Variants in COL24A1 observed in about 807,000 individuals in gnomAD.
COL24A1 encodes collagen type XXIV alpha 1 chain.
A neutral mutation model predicts 253.9 loss-of-function variants in COL24A1; 224 were observed. That is an observed-to-expected ratio of 0.88 (90% CI 0.79 to 0.99). COL24A1 has a LOEUF of 0.99. Ranked by LOEUF, COL24A1 falls within the 50% of genes least tolerant of loss-of-function variation. The pLI is 0.00. For missense variants in COL24A1, 2,131 were observed against 2,068.5 expected, an observed-to-expected ratio of 1.03 and a Z score of -0.59; for synonymous variants, 685 against 673.7, an observed-to-expected ratio of 1.02 and a Z score of -0.26.
At chr1:85,759,117 T>A (rs1666576724) in intron 55 of COL24A1, among the ~76,000 whole-genome samples, 1 of 152,178 alleles carries the variant, frequency 6.6e-6, no homozygotes, top group Admixed American at 6.5e-5. Flanking sequence ...TAATAATTAC[T>A]GAGAGGACCT....
At chr1:86,135,540 T>A (rs542435475) in intron 2 of COL24A1, among the ~76,000 whole-genome samples, 2 of 152,126 alleles carry the variant, frequency 1.3e-5, no homozygotes, top group Admixed American at 6.6e-5. Context: ...AAATTCATTT[T>A]TGTTTGTTTG....
chr1:86,051,752 G>A (rs1373357605), intron 10 of COL24A1, among the ~76,000 whole-genome samples: 1 of 151,972 alleles, frequency 6.6e-6, no homozygotes, highest in Admixed American at 6.6e-5. Context: ...CTGTCTATAA[G>A]AATCAAGAGA....
chr1:85,760,575 T>TA (rs1666753020), intron 55 of COL24A1, among the ~76,000 whole-genome samples: 1 of 152,072 alleles, frequency 6.6e-6, no homozygotes, highest in African/African-American at 2.4e-5. Context: ...AACCACCACC[T>TA]AGAACTAGCA....
At chr1:85,830,438 G>T (rs995757115) in intron 43 of COL24A1, among the ~76,000 whole-genome samples, 2 of 152,122 alleles carry the variant, frequency 1.3e-5, no homozygotes, top group Non-Finnish European at 2.9e-5. Flanking sequence ...CTTGAGCTGT[G>T]GTGGGCTCCA....
At chr1:85,997,015 A>ATGTGTG (rs148215836) in intron 19 of COL24A1, among the ~76,000 whole-genome samples, 27 of 92,822 alleles carry the variant, frequency 2.9e-4, no homozygotes, top group East Asian at 2.9e-3. Context: ...TTTCATATAT[A>ATGTGTG]TATGTGTGTG....
At chr1:86,109,333 A>C (rs1328709655) in intron 5 of COL24A1, among the ~76,000 whole-genome samples, 1 of 151,490 alleles carries the variant, frequency 6.6e-6, no homozygotes, top group Non-Finnish European at 1.5e-5. Flanking sequence ...AAATTTTGGA[A>C]ATTTAGATTT....
chr1:85,894,676 A>C lies in COL24A1; in HGVS notation c.2922+1182T>G, dbSNP rs771792766. 9.8e-5 allele frequency among the ~76,000 whole-genome samples: 15 copies of C among 152,312 alleles called. 1 individual carries two copies. In the East Asian group the frequency reaches 1.5e-3, roughly 16 times the overall value. On this transcript the variant is annotated intron_variant, in intron 31 of 59. Coordinates refer to ENST00000370571, the MANE Select transcript of COL24A1 (RefSeq NM_152890.7). ...AACACCATTTATATCAATATAATAGAAACTCAGGTGATGAATATTAAAACT... is the reference window on the plus strand; with the variant it reads ...AACACCATTTATATCAATATAATAGCAACTCAGGTGATGAATATTAAAACT...
chr1:85,943,530 A>G (rs1357640426), intron 24 of COL24A1, among the ~76,000 whole-genome samples: 1 of 152,222 alleles, frequency 6.6e-6, no homozygotes, highest in Non-Finnish European at 1.5e-5. Context: ...TCTCCCACCA[A>G]AAAGTTGTGA....
At chr1:85,746,790 C>T (rs532574365) in intron 55 of COL24A1, among the ~76,000 whole-genome samples, 1 of 152,236 alleles carries the variant, frequency 6.6e-6, no homozygotes, top group East Asian at 1.9e-4. Context: ...ATTCAAGTAG[C>T]AAAGAGGGTA....
At chr1:85,809,593 T>C (rs1292647031) in intron 47 of COL24A1, among the ~76,000 whole-genome samples, 1 of 152,008 alleles carries the variant, frequency 6.6e-6, no homozygotes, top group Non-Finnish European at 1.5e-5. Context: ...TAAATTGTTG[T>C]ACTTTGCACT....
At position 86,150,952 on chromosome 1, in the gene COL24A1, C is replaced by T. The variant is rs182945591; in HGVS notation, c.57-4769G>A. On this transcript the variant is annotated intron_variant, in intron 1 of 59. Transcript: ENST00000370571. ...GTGTTTTACATTCCAAATGTAAAATCCTATAATTTGTGTGTGTGATGGGAT... is the reference window on the plus strand; with the variant it reads ...GTGTTTTACATTCCAAATGTAAAATTCTATAATTTGTGTGTGTGATGGGAT... Among the ~76,000 whole-genome samples, 547 of 152,050 alleles carry T rather than the reference C, an allele frequency of 3.6e-3. 4 individuals carry two copies. Among genetic ancestry groups the T allele is most frequent in the Non-Finnish European group, 6.0e-3 (408 of 67,962 alleles).
chr1:85,816,415 AC>A (rs1673042961), intron 47 of COL24A1, among the ~76,000 whole-genome samples: 1 of 152,208 alleles, frequency 6.6e-6, no homozygotes, highest in Admixed American at 6.5e-5. Context: ...TTTTCACAGA[AC>A]CTACCTTGAG....
chr1:86,062,170 G>A (rs1405948171), intron 8 of COL24A1, among the ~76,000 whole-genome samples: 1 of 151,948 alleles, frequency 6.6e-6, no homozygotes, highest in African/African-American at 2.4e-5. Flanking sequence ...ATATAGTTTG[G>A]CAAATAATAA....
chr1:85,870,830 C>G (rs1558469661), intron 35 of COL24A1, among the ~76,000 whole-genome samples: 1 of 152,002 alleles, frequency 6.6e-6, no homozygotes, highest in Non-Finnish European at 1.5e-5. Flanking sequence ...ACACCGAAGG[C>G]AAGAAACAAC....
intron 12 of COL24A1, 36 bp from the exon 13 acceptor site, chr1:86,033,959 T>A (rs372382121): frequency 4.8e-5 from 71 of 1,485,652 alleles, no homozygotes; most frequent in Non-Finnish European, 6.2e-5. Context: ...CCAACATATA[T>A]AAATAATTCA....
intron 47 of COL24A1, among the ~76,000 whole-genome samples, chr1:85,795,033 A>G (rs1017926531): frequency 3.3e-5 from 5 of 152,222 alleles, no homozygotes; most frequent in Admixed American, 1.3e-4. Context: ...GACAACAACA[A>G]CATCAACCAC....
chr1:85,842,097 A>T lies in COL24A1; in HGVS notation c.3541T>A (p.Ser1181Thr). The change falls in exon 41 of 60, where the codon TCT (serine) becomes ACT (threonine). Residue 1181 changes from serine (S) to threonine (T), a missense_variant. Coordinates refer to ENST00000370571, the MANE Select transcript of COL24A1 (RefSeq NM_152890.7). ...TCTCCTTTAGGTCCTGGCAATCCAG[A>T]GGGTCCTGGTTGGCCCTGATGGCCC... ...YRGHQGQPGPSGLPGPKGEKG... is the reference protein window; with the variant it reads ...YRGHQGQPGPTGLPGPKGEKG... 1.2e-6 allele frequency: 2 copies of T among 1,613,830 alleles called. No homozygotes were observed. Among genetic ancestry groups the T allele is most frequent in the Non-Finnish European group, 1.7e-6 (2 of 1,179,794 alleles).
intron 28 of COL24A1, among the ~76,000 whole-genome samples, chr1:85,902,893 C>T (rs2102860696): frequency 6.6e-6 from 1 of 152,120 alleles, no homozygotes; most frequent in African/African-American, 2.4e-5. Context: ...TCAAAATAAC[C>T]AGAAGAGTGG....
intron 4 of COL24A1, among the ~76,000 whole-genome samples, chr1:86,114,388 G>C (rs1314323627): frequency 6.6e-6 from 1 of 152,172 alleles, no homozygotes; most frequent in Non-Finnish European, 1.5e-5. Flanking sequence ...CTTAGCAGTG[G>C]ATAGGGAATA....
Sources: allele counts gnomAD v4.1 joint callset (sites outside exome capture counted in the v4.1 genomes callset), GRCh38; gene constraint gnomAD v4.1.1; transcripts MANE v1.5; gene names NCBI Gene and HGNC (gene_info 2026-07-23, HGNC 2026-07-21).